DPP10: variants seen among roughly 807,000 people sequenced by gnomAD.
DPP10 encodes the protein dipeptidyl peptidase like 10.
A neutral mutation model predicts 120.9 loss-of-function variants in DPP10; 33 were observed. That is an observed-to-expected ratio of 0.27 (90% confidence interval 0.21 to 0.37). DPP10 has a LOEUF of 0.37. DPP10 is among the 10% of genes least tolerant of loss of function. The pLI is 1.00. For synonymous variants in DPP10, 337 were observed against 326.1 expected (o/e 1.03, Z -0.36); for missense variants, 816 against 942.8 (o/e 0.87, Z 1.76).
intron 1 of DPP10, among the ~76,000 whole-genome samples, chr2:115,131,494 T>C (rs929719120): frequency 4.6e-5 from 7 of 151,892 alleles, no homozygotes; most frequent in African/African-American, 9.7e-5. Context: ...GCCTGGGCCA[T>C]AAAGCAAAAC....
chr2:115,316,338 C>T lies in DPP10; in HGVS notation c.175+6985C>T, dbSNP rs1187656637. On this transcript the variant is annotated intron_variant, in intron 2 of 25. Coordinates refer to ENST00000410059, the MANE Select transcript of DPP10 (RefSeq NM_020868.6). The stretch of plus-strand genomic sequence containing the variant: ...ATAATCCTTGTAATATAAGTTAAGA[C>T]ATATTCTTGTGCCCATGGATGATAG... Among the ~76,000 whole-genome samples, 5 of 152,218 alleles carry T rather than the reference C, an allele frequency of 3.3e-5. No individual in the cohort carries two copies. The East Asian group carries it at 7.7e-4, about 24-fold the overall frequency.
At chr2:115,064,889 T>C in intron 1 of DPP10, 1 of 1,247,464 alleles carries the variant, frequency 8.0e-7, no homozygotes, top group Non-Finnish European at 1.1e-6. Flanking sequence ...TCTCTTGTAC[T>C]GAATTGTCTT....
chr2:115,117,458 T>C (rs2049576252), intron 1 of DPP10, among the ~76,000 whole-genome samples: 1 of 152,126 alleles, frequency 6.6e-6, no homozygotes, highest in Non-Finnish European at 1.5e-5. Context: ...AATGTATCTA[T>C]TTAGTTGAGT....
chr2:115,186,850 A>G (rs1573937125), intron 1 of DPP10, among the ~76,000 whole-genome samples: 1 of 152,018 alleles, frequency 6.6e-6, no homozygotes, highest in South Asian at 2.1e-4. Context: ...GGCATGGCTG[A>G]CTTTACATGC....
intron 5 of DPP10, among the ~76,000 whole-genome samples, chr2:115,622,999 C>T (rs1050415391): frequency 3.9e-5 from 6 of 151,940 alleles, no homozygotes; most frequent in African/African-American, 7.2e-5. Context: ...CCCGCCCCCA[C>T]GCCTGACTAA....
At chr2:114,756,476 C>G (rs1285984028) in intron 1 of DPP10, among the ~76,000 whole-genome samples, 1 of 152,192 alleles carries the variant, frequency 6.6e-6, no homozygotes, top group Non-Finnish European at 1.5e-5. Flanking sequence ...AGAGTCAACT[C>G]AAGTCAGCTT....
At chr2:114,618,963 A>C (rs1293042443) in intron 1 of DPP10, among the ~76,000 whole-genome samples, 1 of 152,024 alleles carries the variant, frequency 6.6e-6, no homozygotes, top group Non-Finnish European at 1.5e-5. Context: ...TCCAGAGTCA[A>C]GTCTGGACAT....
intron 1 of DPP10, among the ~76,000 whole-genome samples, chr2:115,197,674 G>A (rs1292511347): frequency 6.6e-6 from 1 of 152,150 alleles, no homozygotes; most frequent in East Asian, 1.9e-4. Context: ...AACCCTAATA[G>A]ATGACTTTAT....
At chr2:114,743,413 T>G (rs1346027616) in intron 1 of DPP10, among the ~76,000 whole-genome samples, 2 of 62,958 alleles carry the variant, frequency 3.2e-5, no homozygotes, top group South Asian at 6.6e-4. Flanking sequence ...TACCCTTGCA[T>G]GGAAATAGAA....
chr2:115,654,985 A>C (rs932419821), intron 5 of DPP10, among the ~76,000 whole-genome samples: 1 of 151,628 alleles, frequency 6.6e-6, no homozygotes, highest in African/African-American at 2.4e-5. Flanking sequence ...AAAATTCTAC[A>C]CTTATTTTCT....
intron 5 of DPP10, among the ~76,000 whole-genome samples, chr2:115,562,767 C>T (rs761018986): frequency 6.6e-6 from 1 of 152,176 alleles, no homozygotes; most frequent in Non-Finnish European, 1.5e-5. Flanking sequence ...CAGTTTCCTA[C>T]TCTGCATGAT....
intron 1 of DPP10, among the ~76,000 whole-genome samples, chr2:114,683,244 C>T (rs2105722310): frequency 6.6e-6 from 1 of 152,070 alleles, no homozygotes; most frequent in Admixed American, 6.6e-5. Context: ...TACTTTCTCC[C>T]ATTTAGTTTT....
chr2:115,794,170 T>A (rs1004807775), intron 19 of DPP10, among the ~76,000 whole-genome samples: 8 of 152,194 alleles, frequency 5.3e-5, no homozygotes, highest in African/African-American at 1.9e-4. Flanking sequence ...ATTCAGTGAT[T>A]TTGGTGTCAG....
chr2:115,704,871 A>T (rs2092038368), intron 7 of DPP10, among the ~76,000 whole-genome samples: 1 of 151,994 alleles, frequency 6.6e-6, no homozygotes, highest in Non-Finnish European at 1.5e-5. Flanking sequence ...TGTAAATGAA[A>T]TGAGGCAAAT....
intron 3 of DPP10, chr2:115,468,617 C>A: frequency 2.6e-6 from 1 of 383,172 alleles, no homozygotes; most frequent in South Asian, 2.0e-5. Flanking sequence ...GCACCATCTC[C>A]CATGAACATC....
At chr2:114,553,452 T>A (rs1209767512) in intron 1 of DPP10, among the ~76,000 whole-genome samples, 1 of 152,242 alleles carries the variant, frequency 6.6e-6, no homozygotes, top group Non-Finnish European at 1.5e-5. Flanking sequence ...ATAACAATGC[T>A]GTCCCTCTAA....
At chr2:115,043,883 A>T (rs1008941294) in intron 1 of DPP10, among the ~76,000 whole-genome samples, 16 of 152,168 alleles carry the variant, frequency 1.1e-4, no homozygotes, top group East Asian at 1.9e-4. Flanking sequence ...GTAATTTTTT[A>T]AAAAATTTTT....
At chr2:115,000,285 A>T (rs763284290) in intron 1 of DPP10, among the ~76,000 whole-genome samples, 3 of 152,018 alleles carry the variant, frequency 2.0e-5, no homozygotes, top group Non-Finnish European at 4.4e-5. Context: ...GTGCTTTTTG[A>T]ACACCTAGGA....
intron 2 of DPP10, among the ~76,000 whole-genome samples, chr2:115,322,910 T>C (rs555131478): frequency 6.6e-6 from 1 of 152,380 alleles, no homozygotes; most frequent in Admixed American, 6.5e-5. Context: ...CTGAGCCTTC[T>C]GCAAATCATA....
Sources: gnomAD v4.1 joint callset for allele counts (sites outside exome capture counted in the v4.1 genomes callset) on GRCh38, gnomAD v4.1.1 for gene constraint, MANE v1.5 for transcripts, NCBI Gene and HGNC (gene_info 2026-07-23, HGNC 2026-07-21) for gene names.